Variants in GRID2 observed in about 807,000 individuals in gnomAD.
GRID2 encodes the protein glutamate receptor ionotropic, delta-2.
A neutral mutation model predicts 114.8 loss-of-function variants in GRID2; 33 were observed. The ratio of observed to expected loss-of-function variants is 0.29; its 90% CI spans 0.22 to 0.38. The LOEUF is 0.38. GRID2 is among the 10% of genes least tolerant of loss of function. The pLI is 1.00. For synonymous variants in GRID2, 505 were observed against 449.9 expected (o/e 1.12, Z -1.55); for missense variants, 1,184 against 1,257.7 (o/e 0.94, Z 0.89).
intron 2 of GRID2, among the ~76,000 whole-genome samples, chr4:92,992,147 T>C (rs765839946): frequency 6.6e-5 from 10 of 152,160 alleles, no homozygotes; most frequent in Non-Finnish European, 1.0e-4. Flanking sequence ...TGTAAGACCA[T>C]GTATCTTTAC....
In GRID2 at chr4:93,441,418, AAG is replaced by A. The variant is rs563859098; in HGVS notation, c.1546-14240_1546-14239del. Among the ~76,000 whole-genome samples, 22 of 152,192 alleles carry A rather than the reference AAG, an allele frequency of 1.4e-4. No individual in the cohort carries two copies. In the South Asian group the frequency reaches 4.1e-3, roughly 29 times the overall value. On this transcript the variant is annotated intron_variant, in intron 10 of 15. Coordinates refer to ENST00000282020, the MANE Select transcript of GRID2 (RefSeq NM_001510.4). The stretch of plus-strand genomic sequence containing the variant: ...ACATAGAGAAATATGCTACAAGTAA[AAG>A]AGAATAATAAAAATTTATTATAGCC...
At chr4:92,509,919 T>C (rs1016068780) in intron 1 of GRID2, among the ~76,000 whole-genome samples, 4 of 151,928 alleles carry the variant, frequency 2.6e-5, no homozygotes, top group South Asian at 2.1e-4. Context: ...AAAAGCCATG[T>C]TGGCTACTGT....
intron 1 of GRID2, among the ~76,000 whole-genome samples, chr4:93,787,185 C>T (rs1437819994): frequency 6.6e-6 from 1 of 151,772 alleles, no homozygotes; most frequent in Admixed American, 6.6e-5. Flanking sequence ...GAACCTGACC[C>T]GGAAGTAGTG....
intron 13 of GRID2, among the ~76,000 whole-genome samples, chr4:93,613,497 A>T (rs965176187): frequency 1.4e-5 from 1 of 69,030 alleles, no homozygotes; most frequent in African/African-American, 5.7e-5. Context: ...TTCGGTGTAG[A>T]TGTCCTTTCT....
chr4:92,565,989 A>T lies in GRID2; in HGVS notation c.89-24142A>T, dbSNP rs376137618. 2.0e-5 allele frequency among the ~76,000 whole-genome samples: 3 copies of T among 152,104 alleles called. No homozygotes were observed. In the East Asian group the frequency reaches 5.8e-4, roughly 29 times the overall value. On this transcript the variant is annotated intron_variant, in intron 1 of 15. Coordinates refer to ENST00000282020, the MANE Select transcript of GRID2 (RefSeq NM_001510.4). The stretch of plus-strand genomic sequence containing the variant: ...AAGAAATCAAGTATTACCTAGGTTG[A>T]GTTTACCTATACAATCCCTATGTGT...
At chr4:93,408,934 A>C (rs1473341806) in intron 9 of GRID2, among the ~76,000 whole-genome samples, 1 of 152,188 alleles carries the variant, frequency 6.6e-6, no homozygotes, top group African/African-American at 2.4e-5. Context: ...CACTAGAAAT[A>C]GAAAACCTGT....
chr4:92,729,451 T>A, intron 2 of GRID2, among the ~76,000 whole-genome samples: 1 of 152,086 alleles, frequency 6.6e-6, no homozygotes, highest in East Asian at 1.9e-4. Flanking sequence ...TTTTGATTGA[T>A]AATTTTTTGA....
At chr4:93,330,965 G>C (rs145112870) in intron 8 of GRID2, among the ~76,000 whole-genome samples, 21 of 152,152 alleles carry the variant, frequency 1.4e-4, no homozygotes, top group Admixed American at 1.3e-3. Flanking sequence ...TCTCATAGCT[G>C]TCTCCCTACT....
Position 93,546,489 on chromosome 4 carries a change from G to A in GRID2, c.2193+31078G>A, listed in dbSNP as rs115891091. Among the ~76,000 whole-genome samples the A allele has an allele frequency of 5.4e-3, 818 of 152,260 alleles. 10 individuals are homozygous for A. The highest frequency in any genetic ancestry group is 0.018 in the African/African-American group (764 of 41,558). ...TAGCAAAGAGGACCAAGGAGGGCCTGTATGTTGCATATTTCATTTCTCAGT... is the reference window on the plus strand; with the variant it reads ...TAGCAAAGAGGACCAAGGAGGGCCTATATGTTGCATATTTCATTTCTCAGT... On this transcript the variant is annotated intron_variant, in intron 13 of 15. Transcript: ENST00000282020.
intron 5 of GRID2, among the ~76,000 whole-genome samples, chr4:93,210,211 T>C (rs1743292950): frequency 6.6e-6 from 1 of 152,132 alleles, no homozygotes; most frequent in African/African-American, 2.4e-5. Flanking sequence ...GTTTTTATAG[T>C]TATGGGTTTT....
chr4:93,077,239 C>T (rs890039605), intron 2 of GRID2, among the ~76,000 whole-genome samples: 2 of 152,050 alleles, frequency 1.3e-5, no homozygotes, highest in African/African-American at 2.4e-5. Flanking sequence ...GATGGAGGAG[C>T]ATGGGAAACA....
chr4:92,350,405 C>T (rs765016130), intron 1 of GRID2, among the ~76,000 whole-genome samples: 1 of 151,716 alleles, frequency 6.6e-6, no homozygotes, highest in Non-Finnish European at 1.5e-5. Flanking sequence ...CTTCAATGTA[C>T]AATTTCACAT....
chr4:92,516,661 C>T (rs947077003), intron 1 of GRID2, among the ~76,000 whole-genome samples: 10 of 151,710 alleles, frequency 6.6e-5, no homozygotes, highest in South Asian at 2.1e-4. Flanking sequence ...TCAATCATGG[C>T]GGCAGAAAAC....
chr4:93,411,934 TC>T (rs1423469348), intron 9 of GRID2, among the ~76,000 whole-genome samples: 1 of 149,382 alleles, frequency 6.7e-6, no homozygotes, highest in East Asian at 2.0e-4. Flanking sequence ...TTTTTGAATC[TC>T]TCTATTAAAA....
intron 14 of GRID2, among the ~76,000 whole-genome samples, chr4:93,695,136 ACTC>A (rs906391323): frequency 2.0e-5 from 3 of 149,230 alleles, no homozygotes; most frequent in African/African-American, 7.4e-5. Flanking sequence ...GAGCCACTGC[ACTC>A]CAGCCTGGGC....
chr4:93,194,742 C>T (rs956394690), intron 4 of GRID2, among the ~76,000 whole-genome samples: 18 of 152,194 alleles, frequency 1.2e-4, no homozygotes, highest in Admixed American at 6.5e-5. Context: ...CAGGACTCTT[C>T]ATAAAACAGT....
chr4:93,067,704 T>G (rs1728426224), intron 2 of GRID2, among the ~76,000 whole-genome samples: 1 of 151,966 alleles, frequency 6.6e-6, no homozygotes, highest in Non-Finnish European at 1.5e-5. Context: ...AAAAAAACTT[T>G]CAAGAGCCAC....
chr4:92,933,348 A>C (rs1750388663), intron 2 of GRID2, among the ~76,000 whole-genome samples: 1 of 151,488 alleles, frequency 6.6e-6, no homozygotes. Context: ...TATTACAAAA[A>C]GTAATATGTT....
chr4:93,726,122 A>G lies in GRID2; in HGVS notation c.2361-43088A>G, dbSNP rs1342585983. Among the ~76,000 whole-genome samples, 6 of 152,294 alleles carry G rather than the reference A, an allele frequency of 3.9e-5. No individual in the cohort carries two copies. In the East Asian group the frequency reaches 1.2e-3, roughly 29 times the overall value. On this transcript the variant is annotated intron_variant, in intron 14 of 15. Coordinates refer to ENST00000282020, the MANE Select transcript of GRID2 (RefSeq NM_001510.4). Reference sequence around the variant, plus strand: ...CTAGGGTTTTTATGGTTTTAGGTCTAACATGTAAGTCTTTAATCCAACCTG... The same window carrying G: ...CTAGGGTTTTTATGGTTTTAGGTCTGACATGTAAGTCTTTAATCCAACCTG...
Sources: allele counts gnomAD v4.1 joint callset (sites outside exome capture counted in the v4.1 genomes callset), GRCh38; gene constraint gnomAD v4.1.1; transcripts MANE v1.5; gene names NCBI Gene and HGNC (gene_info 2026-07-23, HGNC 2026-07-21).